SLC25A48: variants seen among roughly 807,000 people sequenced by gnomAD.
The protein encoded by SLC25A48 is solute carrier family 25 member 48.
Under a neutral mutation model 32.2 loss-of-function variants are expected in SLC25A48, and 29 were observed. That is an observed-to-expected ratio of 0.90 (90% CI 0.67 to 1.23). SLC25A48 has a LOEUF of 1.23. Among genes scored for constraint, SLC25A48 ranks in the 50% most tolerant of loss-of-function variants. The pLI is 0.00. For synonymous variants in SLC25A48, 164 were observed against 172.3 expected (o/e 0.95, Z 0.38); for missense variants, 399 against 422.7 (o/e 0.94, Z 0.49).
chr5:135,732,418 G>C (rs1376460857), intron 3 of SLC25A48, among the ~76,000 whole-genome samples: 1 of 152,178 alleles, frequency 6.6e-6, no homozygotes, highest in African/African-American at 2.4e-5. Flanking sequence ...CAGTGATAGT[G>C]TCTACCCAGA....
At chr5:135,791,809 T>G (rs1306685488) in intron 3 of SLC25A48, among the ~76,000 whole-genome samples, 2 of 151,710 alleles carry the variant, frequency 1.3e-5, no homozygotes, top group Non-Finnish European at 3.0e-5. Flanking sequence ...ATGATATTAC[T>G]TATAATGCCA....
chr5:135,750,294 C>T (rs1398704035), intron 3 of SLC25A48, among the ~76,000 whole-genome samples: 3 of 152,106 alleles, frequency 2.0e-5, no homozygotes, highest in Admixed American at 2.0e-4. Context: ...GGTTTAAAAC[C>T]ACCATGGTTT....
At chr5:135,684,219 T>A (rs891891582) in intron 3 of SLC25A48, among the ~76,000 whole-genome samples, 1 of 152,210 alleles carries the variant, frequency 6.6e-6, no homozygotes, top group African/African-American at 2.4e-5. Flanking sequence ...TATTCCAGAT[T>A]CTTGCATGTC....
chr5:135,781,854 A>T (rs542874547), intron 3 of SLC25A48, among the ~76,000 whole-genome samples: 1 of 114,828 alleles, frequency 8.7e-6, no homozygotes, highest in African/African-American at 2.6e-5. Flanking sequence ...GGGGGAGAAT[A>T]TAATCTAATT....
chr5:135,690,822 G>C (rs534446470), intron 3 of SLC25A48, among the ~76,000 whole-genome samples: 1 of 152,224 alleles, frequency 6.6e-6, no homozygotes, highest in Non-Finnish European at 1.5e-5. Flanking sequence ...TTGGAAGGCG[G>C]AGTGTGGGGC....
chr5:135,611,496 CAAAAAAAAAAAAAAAA>C (rs57138043), intron 1 of SLC25A48, among the ~76,000 whole-genome samples: 1 of 21,340 alleles, frequency 4.7e-5, no homozygotes, highest in African/African-American at 1.6e-4. Context: ...GACTCCATCT[CAAAAAAAAAAAAAAAA>C]AAAAAAAAAA....
chr5:135,598,382 G>T (rs572602908), intron 1 of SLC25A48, among the ~76,000 whole-genome samples: 1 of 152,158 alleles, frequency 6.6e-6, no homozygotes, highest in East Asian at 1.9e-4. Context: ...GGACCACTCT[G>T]ACTTGTTTTC....
chr5:135,793,981 G>T (rs749016076), intron 3 of SLC25A48, among the ~76,000 whole-genome samples: 1 of 151,844 alleles, frequency 6.6e-6, no homozygotes, highest in African/African-American at 2.4e-5. Context: ...ATCGCAGAGG[G>T]TGTATACTAT....
chr5:135,631,817 A>G (rs1289274011), intron 2 of SLC25A48, among the ~76,000 whole-genome samples: 1 of 152,250 alleles, frequency 6.6e-6, no homozygotes, highest in Non-Finnish European at 1.5e-5. Flanking sequence ...GGACTGCCAC[A>G]TGATTTAAAG....
At chr5:135,870,698 C>A (rs1187552007) in intron 4 of SLC25A48, among the ~76,000 whole-genome samples, 16 of 152,126 alleles carry the variant, frequency 1.1e-4, no homozygotes, top group Admixed American at 7.9e-4. Flanking sequence ...ATGTCAGCAA[C>A]CTTGGTCTCA....
At chr5:135,887,017 CT>C (rs1254956973) in intron 7 of SLC25A48, among the ~76,000 whole-genome samples, 2 of 151,976 alleles carry the variant, frequency 1.3e-5, no homozygotes, top group Non-Finnish European at 2.9e-5. Context: ...ACAGCAGCCC[CT>C]TTCACTCCTG....
chr5:135,774,668 G>T (rs1756501743), intron 3 of SLC25A48, among the ~76,000 whole-genome samples: 1 of 151,660 alleles, frequency 6.6e-6, no homozygotes, highest in Non-Finnish European at 1.5e-5. Context: ...TGTATTTTGG[G>T]ATATTGATCC....
chr5:135,887,692 C>T (rs1203243665), intron 7 of SLC25A48, among the ~76,000 whole-genome samples: 3 of 152,042 alleles, frequency 2.0e-5, no homozygotes, highest in Non-Finnish European at 2.9e-5. Context: ...CTTGGCGTTG[C>T]CCTTTTCCTT....
At chr5:135,704,453 C>T (rs1430192341) in intron 3 of SLC25A48, among the ~76,000 whole-genome samples, 2 of 152,182 alleles carry the variant, frequency 1.3e-5, no homozygotes, top group African/African-American at 2.4e-5. Context: ...AAAGCTGAGG[C>T]CCAGAGATGT....
At chr5:135,788,265 A>G (rs1756904078) in intron 3 of SLC25A48, among the ~76,000 whole-genome samples, 2 of 147,710 alleles carry the variant, frequency 1.4e-5, no homozygotes, top group South Asian at 4.3e-4. Context: ...GATATTATTC[A>G]CTATGGGGTG....
chr5:135,684,921 T>G (rs1164838707), intron 3 of SLC25A48, among the ~76,000 whole-genome samples: 1 of 152,146 alleles, frequency 6.6e-6, no homozygotes, highest in Non-Finnish European at 1.5e-5. Context: ...TTCATAGACA[T>G]GCAAGTAGTC....
chr5:135,683,239 G>C (rs925174084), intron 3 of SLC25A48, among the ~76,000 whole-genome samples: 2 of 152,202 alleles, frequency 1.3e-5, no homozygotes, highest in Non-Finnish European at 2.9e-5. Flanking sequence ...GGGCAGGGGG[G>C]CAGAGAGTTC....
intron 1 of SLC25A48, among the ~76,000 whole-genome samples, chr5:135,592,048 C>T (rs1016259459): frequency 6.6e-6 from 1 of 152,164 alleles, no homozygotes; most frequent in African/African-American, 2.4e-5. Context: ...TCAAAGAGAA[C>T]CAGCTCTGCT....
Position 135,768,924 on chromosome 5 carries a change from G to A in SLC25A48, c.-520-43599G>A, listed in dbSNP as rs138804094. Among the ~76,000 whole-genome samples, 382 of 151,938 alleles carry A rather than the reference G, an allele frequency of 2.5e-3. 4 individuals are homozygous for A. Among genetic ancestry groups the A allele is most frequent in the African/African-American group, 8.8e-3 (365 of 41,438 alleles). On this transcript the variant is annotated intron_variant, in intron 3 of 10. Transcript: ENST00000646290. Reference sequence around the variant, plus strand: ...GATGACATTACTCGCAATATCGCAGGGGTTGTAGATACCACTTTGATATTG... The same window carrying A: ...GATGACATTACTCGCAATATCGCAGAGGTTGTAGATACCACTTTGATATTG...
Sources: allele counts gnomAD v4.1 joint callset (sites outside exome capture counted in the v4.1 genomes callset), GRCh38; gene constraint gnomAD v4.1.1; transcripts MANE v1.5; gene names NCBI Gene and HGNC (gene_info 2026-07-23, HGNC 2026-07-21).